SYNE2: variants seen among roughly 807,000 people sequenced by gnomAD.
The protein encoded by SYNE2 is spectrin repeat containing nuclear envelope protein 2, also known as nesprin-2.
SYNE2 carries 431 observed loss-of-function variants against 856.3 expected under a neutral mutation model. The ratio of observed to expected loss-of-function variants is 0.50; its 90% CI spans 0.47 to 0.55. The LOEUF (loss-of-function observed/expected upper bound fraction) is 0.55, where lower values mean the gene tolerates loss of function less well. Among genes scored for constraint, SYNE2 ranks in the 20% least tolerant of loss-of-function variants. The probability of loss-of-function intolerance (pLI) is 0.00; values close to 1 mark genes in which losing one functional copy is unlikely to be tolerated. For synonymous variants in SYNE2, 2,923 were observed against 2,872.3 expected (o/e 1.02, Z -0.56); for missense variants, 8,129 against 8,023.2 (o/e 1.01, Z -0.50).
In SYNE2 at chr14:63,967,804, T is replaced by A; in HGVS notation, c.1086T>A (p.Asp362Glu). Residue 362 changes from aspartate (D) to glutamate (E), a missense_variant, in exon 11 of 116, where the codon GAT becomes GAA. This residue lies in a region of SYNE2 where 2,422 missense variants were observed against 2,357.4 expected (regional missense o/e 1.03). Coordinates refer to ENST00000555002, the MANE Select transcript of SYNE2 (RefSeq NM_182914.3). ...IKRDLDELDK[D>E]HLQLREAWDG... ...GGGATCTGGATGAGCTGGACAAGGA[T>A]CATTTACAGTTGAGAGAAGCCTGGG... 1 of 1,614,080 alleles carries A rather than the reference T, an allele frequency of 6.2e-7. No homozygotes were observed. Among genetic ancestry groups the A allele is most frequent in the Non-Finnish European group, 8.5e-7 (1 of 1,179,936 alleles).
At position 64,214,278 on chromosome 14, in the gene SYNE2, C is replaced by A. The variant is rs372959292; in HGVS notation, c.19141C>A (p.Arg6381=). 6.2e-7 allele frequency: 1 copy of A among 1,613,870 alleles called. No individual in the cohort carries two copies. The part of the protein sequence containing the change: ...REIQTDSWRK[R]GESEEPSSPQ... ...AATCCAGACTGATTCTTGGCGTAAA[C>A]GGGGAGAGAGCGAGGAACCGTCATC... Residue 6381 remains arginine (R), a synonymous_variant, in exon 106 of 116, where the codon CGG becomes AGG. Coordinates refer to ENST00000555002, the MANE Select transcript of SYNE2 (RefSeq NM_182914.3).
At chr14:63,859,634 T>C (rs1252956774) in intron 1 of SYNE2, among the ~76,000 whole-genome samples, 3 of 152,120 alleles carry the variant, frequency 2.0e-5, no homozygotes, top group Non-Finnish European at 4.4e-5. Flanking sequence ...CTGGCCAACA[T>C]AGTGAAATCC....
At chr14:63,897,602 GC>G (rs2153304423) in intron 1 of SYNE2, among the ~76,000 whole-genome samples, 1 of 152,322 alleles carries the variant, frequency 6.6e-6, no homozygotes, top group African/African-American at 2.4e-5. Context: ...TCTTTGCTGA[GC>G]CCTCCTGGGC....
intron 96 of SYNE2, among the ~76,000 whole-genome samples, chr14:64,184,329 G>GGGGTGTGTGTGTGT (rs1555532246): frequency 4.2e-5 from 6 of 144,256 alleles, no homozygotes; most frequent in South Asian, 2.3e-4. Flanking sequence ...TATGCATAGG[G>GGGGTGTGTGTGTGT]GTGTGTGTGT....
chr14:64,031,715 T>A lies in SYNE2; in HGVS notation c.7221+358T>A, dbSNP rs544437833. Among the ~76,000 whole-genome samples the A allele has an allele frequency of 9.2e-5, 14 of 152,260 alleles. No homozygotes were observed. In the South Asian group the frequency reaches 2.7e-3, roughly 29 times the overall value. On this transcript the variant is annotated intron_variant, in intron 45 of 115. Transcript: ENST00000555002. ...CAGGAAAAAAATCCAAGATCCCAAT[T>A]TTTGGGGGGTTGATTTCATAATAAA...
chr14:63,804,740 C>T (rs544684891), intron 1 of SYNE2, among the ~76,000 whole-genome samples: 20 of 152,236 alleles, frequency 1.3e-4, no homozygotes, highest in Middle Eastern at 3.4e-3. Context: ...GTGATCCGCC[C>T]GCCTTGGCCT....
In SYNE2 at chr14:64,076,045, A is replaced by T; in HGVS notation, c.10967A>T (p.Glu3656Val). Residue 3656 changes from glutamate (E) to valine (V), a missense_variant, in exon 54 of 116, where the codon GAG becomes GTG. Glu to Val is a moderately radical substitution (Grantham distance 121). Transcript: ENST00000555002. Reference protein sequence around the residue: ...YSEMYTIVPAEIESQVEECRK... With the variant: ...YSEMYTIVPAVIESQVEECRK... ...GAAATGTACACCATAGTCCCTGCAGAGATTGAATCCCAGGTGGAAGAATGC... is the reference window on the plus strand; with the variant it reads ...GAAATGTACACCATAGTCCCTGCAGTGATTGAATCCCAGGTGGAAGAATGC... 1 of 1,613,984 alleles carries T rather than the reference A, an allele frequency of 6.2e-7. No homozygotes were observed.
chr14:64,113,306 T>C (rs777742784), intron 65 of SYNE2, 35 bp from the exon 66 acceptor site: 7 of 1,612,692 alleles, frequency 4.3e-6, no homozygotes, highest in Non-Finnish European at 5.9e-6. Flanking sequence ...TCTGAAAACT[T>C]TGGACTCCCT....
chr14:63,858,107 T>A (rs1892360787), intron 1 of SYNE2, among the ~76,000 whole-genome samples: 1 of 151,512 alleles, frequency 6.6e-6, no homozygotes, highest in African/African-American at 2.4e-5. Context: ...TTTTATTATT[T>A]TTATTTTATT....
Position 63,893,362 on chromosome 14 carries a change from C to T in SYNE2, c.-51-15736C>T, listed in dbSNP as rs145416880. Among the ~76,000 whole-genome samples the T allele has an allele frequency of 3.3e-5, 5 of 152,188 alleles. No individual in the cohort carries two copies. In the East Asian group the frequency reaches 9.7e-4, roughly 29 times the overall value. ...TCACTTGAGTCCGGGAGCTCGAGAC[C>T]AGCCTGGGCAACATTGTGAGACCTA... On this transcript the variant is annotated intron_variant, in intron 1 of 115. Transcript: ENST00000555002.
chr14:63,782,467 C>A (rs1425805116), intron 1 of SYNE2, among the ~76,000 whole-genome samples: 219 of 49,514 alleles, frequency 4.4e-3, no homozygotes, highest in East Asian at 0.01. Context: ...AACTCCATCT[C>A]AAAAAAAAAA....
intron 1 of SYNE2, among the ~76,000 whole-genome samples, chr14:63,887,432 A>G (rs2095019506): frequency 1.3e-5 from 2 of 152,220 alleles, no homozygotes; most frequent in African/African-American, 4.8e-5. Flanking sequence ...GTAGGAAGCC[A>G]GGTTTGAACT....
At chr14:63,844,864 G>T (rs1250763867) in intron 1 of SYNE2, among the ~76,000 whole-genome samples, 1 of 152,016 alleles carries the variant, frequency 6.6e-6, no homozygotes, top group Non-Finnish European at 1.5e-5. Flanking sequence ...GAGCAACATA[G>T]CAAGACCCTG....
chr14:64,039,054 G>A (rs2097127046), intron 45 of SYNE2, among the ~76,000 whole-genome samples: 1 of 152,206 alleles, frequency 6.6e-6, no homozygotes, highest in African/African-American at 2.4e-5. Flanking sequence ...CATTTTAGAT[G>A]TTATACTAAG....
chr14:63,923,014 T>C (rs1016959491), intron 2 of SYNE2, among the ~76,000 whole-genome samples: 4 of 152,232 alleles, frequency 2.6e-5, no homozygotes, highest in African/African-American at 9.6e-5. Context: ...CATACCTTGA[T>C]TTTTCAAAAG....
rs745321764 is a variant in SYNE2 at position 64,220,571 on chromosome 14, G to C, written c.19995G>C (p.Trp6665Cys). The C allele has an allele frequency of 6.2e-7, 1 of 1,614,174 alleles. No homozygotes were observed. Among genetic ancestry groups the C allele is most frequent in the South Asian group, 1.1e-5 (1 of 91,080 alleles). The change falls in exon 111 of 116, where the codon TGG (tryptophan) becomes TGC (cysteine). Residue 6665 changes from tryptophan (W) to cysteine (C), a missense_variant. Around this residue, in one of 3 missense-constraint regions of SYNE2, gnomAD observed 5,410 missense variants for 5,284.8 expected, o/e 1.02. Transcript: ENST00000555002. Reference protein sequence around the residue: ...QSRLRQLSLLWEAAQGAVDSW... With the variant: ...QSRLRQLSLLCEAAQGAVDSW... ...GACTCCGCCAGCTGAGCCTGCTCTGGGAAGCAGCACAGGGCGCAGTGGACA... is the reference window on the plus strand; with the variant it reads ...GACTCCGCCAGCTGAGCCTGCTCTGCGAAGCAGCACAGGGCGCAGTGGACA...
Position 63,971,680 on chromosome 14 carries a change from C to T in SYNE2, c.1128+3834C>T, listed in dbSNP as rs150677627. Among the ~76,000 whole-genome samples, 4 of 149,452 alleles carry T rather than the reference C, an allele frequency of 2.7e-5. No individual in the cohort carries two copies. In the East Asian group the frequency reaches 7.8e-4, roughly 29 times the overall value. The stretch of plus-strand genomic sequence containing the variant: ...TAGGTATTTCCCATGTTCTTAATTT[C>T]TTTCTAGAGATCTGAGTTTCTATTG... On this transcript the variant is annotated intron_variant, in intron 11 of 115. Transcript: ENST00000555002.
At chr14:64,094,642 G>C (rs375920801) in intron 61 of SYNE2, among the ~76,000 whole-genome samples, 7 of 152,256 alleles carry the variant, frequency 4.6e-5, no homozygotes, top group African/African-American at 1.7e-4. Context: ...GTACAGGAGA[G>C]TGCAAGATGA....
In SYNE2 at chr14:64,052,320, G is replaced by T. The variant is rs369350235; in HGVS notation, c.8407G>T (p.Asp2803Tyr). The T allele has an allele frequency of 1.2e-6, 2 of 1,614,154 alleles. No individual in the cohort carries two copies. The highest frequency in any genetic ancestry group is 1.7e-6 in the Non-Finnish European group (2 of 1,180,020). ...VPSLTTYEGS[D>Y]LNNTLEDLRN... ...TAGCCTTACAACCTATGAGGGCAGT[G>T]ATTTAAATAATACCCTAGAGGACTT... is the stretch of plus-strand genomic sequence containing the variant. Residue 2803 changes from aspartate (D) to tyrosine (Y), a missense_variant, in exon 48 of 116, where the codon GAT (aspartate) becomes TAT (tyrosine). Physicochemically the swap from Asp to Tyr is radical, Grantham distance 160. Transcript: ENST00000555002.
Sources: gnomAD v4.1 joint callset for allele counts (sites outside exome capture counted in the v4.1 genomes callset) on GRCh38, gnomAD v4.1.1 for gene constraint, gnomAD v4.1.1 regional missense constraint, MANE v1.5 for transcripts, NCBI Gene and HGNC (gene_info 2026-07-23, HGNC 2026-07-21) for gene names.